The following ERC1 variants were observed in gnomAD, a reference collection of about 807,000 sequenced individuals.
ERC1 encodes RAB6 interacting protein 2.
A neutral mutation model predicts 132.0 loss-of-function variants in ERC1; 56 were observed. The observed-to-expected ratio is 0.42, with a 90% CI of 0.34 to 0.53. The LOEUF (loss-of-function observed/expected upper bound fraction) is 0.53. Among genes scored for constraint, ERC1 ranks in the 20% least tolerant of loss-of-function variants. The pLI, the probability that ERC1 is intolerant of heterozygous loss-of-function variation, is 0.03. For synonymous variants in ERC1, 478 were observed against 476.1 expected (o/e 1.00, Z -0.05); for missense variants, 1,202 against 1,349.9 (o/e 0.89, Z 1.72).
intron 2 of ERC1, among the ~76,000 whole-genome samples, chr12:1,072,893 A>G (rs1940657713): frequency 1.3e-5 from 2 of 152,058 alleles, no homozygotes; most frequent in Admixed American, 6.6e-5. Context: ...GGGTTTTACC[A>G]TGTTGGCTAT....
At chr12:1,246,541 GA>G (rs760426339) in intron 13 of ERC1, among the ~76,000 whole-genome samples, 1 of 152,202 alleles carries the variant, frequency 6.6e-6, no homozygotes, top group African/African-American at 2.4e-5. Flanking sequence ...GTTAGTGTGT[GA>G]AAGTTTGAGG....
intron 7 of ERC1, among the ~76,000 whole-genome samples, chr12:1,126,158 A>T (rs1326999271): frequency 6.6e-6 from 1 of 152,244 alleles, no homozygotes; most frequent in African/African-American, 2.4e-5. Flanking sequence ...TTAAATTTTT[A>T]AAAATGTATA....
intron 7 of ERC1, among the ~76,000 whole-genome samples, chr12:1,130,447 G>A (rs948304796): frequency 3.9e-5 from 6 of 152,166 alleles, no homozygotes; most frequent in Non-Finnish European, 8.8e-5. Flanking sequence ...TTGGCTGACT[G>A]CCATGCTTTA....
At chr12:1,165,911 T>A (rs1952377309) in intron 8 of ERC1, among the ~76,000 whole-genome samples, 1 of 152,156 alleles carries the variant, frequency 6.6e-6, no homozygotes, top group African/African-American at 2.4e-5. Context: ...CCAATTTTCA[T>A]CACTTCAGAA....
intron 15 of ERC1, among the ~76,000 whole-genome samples, chr12:1,296,011 A>G (rs866135072): frequency 2.7e-5 from 2 of 73,462 alleles, no homozygotes; most frequent in African/African-American, 8.9e-5. Flanking sequence ...GGTTTAACAG[A>G]AAAAAAAAAA....
chr12:1,172,780 CTAAT>C (rs1701587882), intron 8 of ERC1, among the ~76,000 whole-genome samples: 1 of 151,794 alleles, frequency 6.6e-6, no homozygotes, highest in Non-Finnish European at 1.5e-5. Context: ...AATTTTAAAA[CTAAT>C]TTATGTAACA....
At chr12:1,198,973 CCG>C (rs879862513) in intron 12 of ERC1, among the ~76,000 whole-genome samples, 8,567 of 130,680 alleles carry the variant, frequency 0.066, 1,308 homozygotes, top group Middle Eastern at 0.11. Context: ...GGACAAACCA[CCG>C]TCATGACCCA....
intron 17 of ERC1, among the ~76,000 whole-genome samples, chr12:1,435,917 C>T (rs778227582): frequency 6.6e-6 from 1 of 152,154 alleles, no homozygotes; most frequent in Non-Finnish European, 1.5e-5. Context: ...TTCCCTGCCA[C>T]CTGTACCCTC....
chr12:1,174,638 G>C (rs1953485993), intron 8 of ERC1, among the ~76,000 whole-genome samples: 2 of 152,220 alleles, frequency 1.3e-5, no homozygotes, highest in Admixed American at 1.3e-4. Flanking sequence ...GGAGTAGAAA[G>C]AAGGGTATTA....
rs573670116 is a variant in ERC1 at position 1,440,218 on chromosome 12, T to TTTC, written c.3025-4344_3025-4343insTTC. Among the ~76,000 whole-genome samples the TTTC allele has an allele frequency of 2.6e-4, 37 of 143,700 alleles. 1 individual carries two copies. Among genetic ancestry groups the TTTC allele is most frequent in the African/African-American group, 8.0e-4 (29 of 36,298 alleles). The allele number at this position is 143,700 out of a possible 152,430, so 94.3% of individuals were successfully genotyped here. A position where few individuals can be genotyped will look rare whatever the true frequency, so the allele number is the denominator to read the frequency against. ...CTTTCTCTTTTTTTTTTTTTTTTTTTCCTTGAGACAGAGTCTTGCTCTGTC... is the reference window on the plus strand; with the variant it reads ...CTTTCTCTTTTTTTTTTTTTTTTTTTTTCCCTTGAGACAGAGTCTTGCTCTGTC... On this transcript the variant is annotated intron_variant, in intron 17 of 18. Transcript: ENST00000360905.
At chr12:1,044,789 A>C (rs1380537438) in intron 2 of ERC1, among the ~76,000 whole-genome samples, 1 of 152,156 alleles carries the variant, frequency 6.6e-6, no homozygotes, top group East Asian at 1.9e-4. Flanking sequence ...ACTAATCACT[A>C]CCAGCCCAGC....
intron 17 of ERC1, among the ~76,000 whole-genome samples, chr12:1,418,670 C>CT (rs776176578): frequency 1.1e-3 from 23 of 20,564 alleles, no homozygotes; most frequent in African/African-American, 2.8e-3. Context: ...TCTTTCTTTT[C>CT]TTTCTTTCTT....
intron 7 of ERC1, among the ~76,000 whole-genome samples, chr12:1,130,653 G>A (rs945700501): frequency 7.2e-6 from 1 of 138,810 alleles, no homozygotes; most frequent in Non-Finnish European, 1.5e-5. Flanking sequence ...TTTAAACTAT[G>A]TACTGTGGAA....
intron 13 of ERC1, among the ~76,000 whole-genome samples, chr12:1,242,089 C>A (rs975480778): frequency 6.6e-6 from 1 of 151,954 alleles, no homozygotes; most frequent in Non-Finnish European, 1.5e-5. Context: ...TCAGGTGATT[C>A]AGCCACCTCG....
intron 12 of ERC1, among the ~76,000 whole-genome samples, chr12:1,228,297 T>A (rs1021857722): frequency 2.8e-5 from 2 of 70,354 alleles, no homozygotes; most frequent in Non-Finnish European, 5.5e-5. Flanking sequence ...TTTGTATGTA[T>A]CTTTTTCAAT....
intron 18 of ERC1, among the ~76,000 whole-genome samples, chr12:1,460,778 A>T (rs2093628463): frequency 6.6e-6 from 1 of 151,430 alleles, no homozygotes; most frequent in Non-Finnish European, 1.5e-5. Flanking sequence ...GGGATGTATA[A>T]TAGCCCCCTC....
intron 18 of ERC1, among the ~76,000 whole-genome samples, chr12:1,478,545 G>T (rs1216649675): frequency 6.6e-6 from 1 of 152,174 alleles, no homozygotes; most frequent in Non-Finnish European, 1.5e-5. Context: ...TGTAATCCCA[G>T]CACTTTGGGA....
At chr12:1,031,438 T>C (rs979806671) in intron 2 of ERC1, among the ~76,000 whole-genome samples, 2 of 152,192 alleles carry the variant, frequency 1.3e-5, no homozygotes, top group African/African-American at 4.8e-5. Context: ...TTTTAATGCC[T>C]CCTACCATTC....
chr12:1,316,085 T>C (rs2081686227), intron 15 of ERC1, among the ~76,000 whole-genome samples: 1 of 152,154 alleles, frequency 6.6e-6, no homozygotes. Flanking sequence ...AAATGGGGTT[T>C]CACCGTGTTA....
Sources: allele counts gnomAD v4.1 joint callset (sites outside exome capture counted in the v4.1 genomes callset), GRCh38; gene constraint gnomAD v4.1.1; transcripts MANE v1.5; gene names NCBI Gene and HGNC (gene_info 2026-07-23, HGNC 2026-07-21).